The following RGS6 variants were observed in gnomAD, a reference collection of about 807,000 sequenced individuals.
The protein encoded by RGS6 is regulator of G protein signaling 6.
In RGS6, 30 loss-of-function variants were observed where a neutral mutation model predicts 78.5. That is an observed-to-expected ratio of 0.38 (90% CI 0.29 to 0.52). The LOEUF (loss-of-function observed/expected upper bound fraction) is 0.52, where lower values mean the gene tolerates loss of function less well. Among genes scored for constraint, RGS6 ranks in the 20% least tolerant of loss-of-function variants. RGS6 has a pLI of 0.85. For synonymous variants in RGS6, 206 were observed against 206.0 expected (o/e 1.00, Z 0.00); for missense variants, 495 against 609.7 (o/e 0.81, Z 1.98).
At chr14:72,298,368 G>A (rs1289953877) in intron 2 of RGS6, among the ~76,000 whole-genome samples, 1 of 145,522 alleles carries the variant, frequency 6.9e-6, no homozygotes, top group Non-Finnish European at 1.5e-5. Context: ...ATACATTTGA[G>A]TTTTTAATGT....
chr14:72,016,729 A>G (rs2087080059), intron 2 of RGS6, among the ~76,000 whole-genome samples: 1 of 152,140 alleles, frequency 6.6e-6, no homozygotes, highest in Non-Finnish European at 1.5e-5. Flanking sequence ...TTGGTCTTAT[A>G]GGTTTGGGTA....
chr14:72,565,291 C>T lies in RGS6; in HGVS notation c.*2824C>T, dbSNP rs1599245369. On this transcript the variant is annotated 3_prime_UTR_variant, in exon 18 of 18. Coordinates refer to ENST00000553525, the MANE Select transcript of RGS6 (RefSeq NM_001204424.2). ...TCAGGGCAGCTGCAGCAAGTGACCA[C>T]CCACCCGTCGGGTTAGACACACAAG... 1.3e-5 allele frequency: 2 copies of T among 152,532 alleles called. No individual in the cohort carries two copies. The highest frequency in any genetic ancestry group is 3.9e-4 in the East Asian group (2 of 5,182). 9.4% of individuals were successfully genotyped at this position (152,532 alleles called of 1,614,324 possible).
intron 2 of RGS6, among the ~76,000 whole-genome samples, chr14:72,183,183 G>A (rs972019877): frequency 6.6e-6 from 1 of 152,188 alleles, no homozygotes; most frequent in African/African-American, 2.4e-5. Flanking sequence ...ATGAGGTTAA[G>A]CCAAGAATTG....
chr14:72,105,944 T>C (rs149543733), intron 2 of RGS6, among the ~76,000 whole-genome samples: 42 of 152,290 alleles, frequency 2.8e-4, no homozygotes, highest in African/African-American at 9.9e-4. Flanking sequence ...CCTGACCTTA[T>C]CAATAAACCA....
At chr14:71,976,209 CTTTCTTTTT>C (rs2094115977) in intron 2 of RGS6, among the ~76,000 whole-genome samples, 2 of 145,518 alleles carry the variant, frequency 1.4e-5, no homozygotes, top group African/African-American at 2.5e-5. Context: ...CTAACCTTTT[CTTTCTTTTT>C]TTTCTTTTTT....
intron 2 of RGS6, among the ~76,000 whole-genome samples, chr14:72,046,295 C>G (rs905571063): frequency 1.3e-5 from 2 of 150,658 alleles, no homozygotes; most frequent in African/African-American, 4.9e-5. Context: ...ACACACCTCT[C>G]ATTTTATTTT....
chr14:72,557,444 A>G (rs538662714), intron 17 of RGS6, among the ~76,000 whole-genome samples: 9 of 152,290 alleles, frequency 5.9e-5, no homozygotes, highest in Admixed American at 3.3e-4. Flanking sequence ...TCCGGGAGTC[A>G]CCCGATGAAG....
At chr14:72,313,717 T>C (rs1053427673) in intron 2 of RGS6, among the ~76,000 whole-genome samples, 12 of 152,198 alleles carry the variant, frequency 7.9e-5, no homozygotes, top group African/African-American at 2.9e-4. Flanking sequence ...AGCATCATGA[T>C]ACATACAAAG....
intron 5 of RGS6, among the ~76,000 whole-genome samples, chr14:72,458,795 C>T (rs2095700479): frequency 1.3e-5 from 2 of 152,170 alleles, no homozygotes; most frequent in Admixed American, 1.3e-4. Flanking sequence ...GCAGACAGGA[C>T]CTGGGGCTTA....
At chr14:72,370,520 A>G (rs1389345679) in intron 3 of RGS6, among the ~76,000 whole-genome samples, 1 of 152,144 alleles carries the variant, frequency 6.6e-6, no homozygotes, top group Admixed American at 6.5e-5. Flanking sequence ...TCTTAACCGC[A>G]CGGGGAGGGG....
the RGS6 span, among the ~76,000 whole-genome samples, chr14:72,577,148 G>A: frequency 6.6e-6 from 1 of 152,202 alleles, no homozygotes; most frequent in Non-Finnish European, 1.5e-5. Flanking sequence ...CAACAACAAT[G>A]GAGCCTGAAT....
intron 2 of RGS6, among the ~76,000 whole-genome samples, chr14:72,270,267 T>TCATGCC (rs3055059): frequency 0.57 from 86,563 of 151,686 alleles, 24,730 homozygotes; most frequent in Middle Eastern, 0.6. Flanking sequence ...AAAACGAGGT[T>TCATGCC]CATGCCCACA....
chr14:72,305,468 T>C (rs2067028891), intron 2 of RGS6, among the ~76,000 whole-genome samples: 1 of 152,224 alleles, frequency 6.6e-6, no homozygotes, highest in African/African-American at 2.4e-5. Flanking sequence ...AAAGCATGTG[T>C]TTACTCCATA....
the RGS6 span, among the ~76,000 whole-genome samples, chr14:71,872,149 A>T: frequency 6.6e-6 from 1 of 152,090 alleles, no homozygotes; most frequent in Non-Finnish European, 1.5e-5. Context: ...TGAACACAAT[A>T]CCACCCCAAC....
At chr14:72,540,266 T>C (rs1467927226) in intron 17 of RGS6, 172 bp downstream of exon 17, 3 of 1,532,690 alleles carry the variant, frequency 2.0e-6, no homozygotes, top group African/African-American at 2.8e-5. Context: ...CAGCTTCTCT[T>C]CTAGGGATGA....
At chr14:72,239,283 A>G (rs750253242) in intron 2 of RGS6, among the ~76,000 whole-genome samples, 3 of 152,160 alleles carry the variant, frequency 2.0e-5, no homozygotes, top group Admixed American at 6.5e-5. Context: ...ATGCATGCCC[A>G]TCTGTGGCTT....
At chr14:72,006,327 ACT>A (rs550041415) in intron 2 of RGS6, among the ~76,000 whole-genome samples, 80 of 152,158 alleles carry the variant, frequency 5.3e-4, no homozygotes, top group African/African-American at 1.8e-3. Flanking sequence ...ATCCACCAAC[ACT>A]CTTCCAACAG....
At chr14:72,408,268 G>A (rs1178283869) in intron 3 of RGS6, among the ~76,000 whole-genome samples, 2 of 152,186 alleles carry the variant, frequency 1.3e-5, no homozygotes, top group African/African-American at 4.8e-5. Context: ...GTGGTTCTCA[G>A]ATGACTTGCA....
intron 2 of RGS6, among the ~76,000 whole-genome samples, chr14:72,086,389 T>G (rs951949385): frequency 4.6e-5 from 7 of 152,258 alleles, no homozygotes; most frequent in Admixed American, 2.0e-4. Context: ...CATACCTGAC[T>G]CTTGACCTCC....
Sources: gnomAD v4.1 joint callset for allele counts (sites outside exome capture counted in the v4.1 genomes callset) on GRCh38, gnomAD v4.1.1 for gene constraint, MANE v1.5 for transcripts, NCBI Gene and HGNC (gene_info 2026-07-23, HGNC 2026-07-21) for gene names.